The following LINGO2 variants were observed in gnomAD, a reference collection of about 807,000 sequenced individuals.
The protein encoded by LINGO2 is leucine-rich repeat and immunoglobulin-like domain-containing nogo receptor-interacting protein 2.
LINGO2 carries 14 observed loss-of-function variants against 30.6 expected under a neutral mutation model. The observed-to-expected ratio is 0.46, with a 90% CI of 0.30 to 0.72. The LOEUF (loss-of-function observed/expected upper bound fraction) is 0.72, where lower values mean the gene tolerates loss of function less well. Ranked by LOEUF, LINGO2 falls within the 30% of genes least tolerant of loss-of-function variation. LINGO2 has a pLI of 0.07. For missense variants in LINGO2, 729 were observed against 751.7 expected (o/e 0.97, Z 0.35); for synonymous variants, 317 against 288.5 (o/e 1.10, Z -1.00).
chr9:28,709,228 T>C, the LINGO2 span, among the ~76,000 whole-genome samples: 1 of 151,454 alleles, frequency 6.6e-6, no homozygotes, highest in Non-Finnish European at 1.5e-5. Context: ...AAGTGTTTTG[T>C]TTTGTTTTTT....
At chr9:28,481,976 G>A (rs1000632769) in intron 1 of LINGO2, among the ~76,000 whole-genome samples, 1 of 152,104 alleles carries the variant, frequency 6.6e-6, no homozygotes, top group African/African-American at 2.4e-5. Context: ...TGGCTGCATA[G>A]TATTCCATGG....
At chr9:28,822,740 CG>C in the LINGO2 span, among the ~76,000 whole-genome samples, 1 of 152,242 alleles carries the variant, frequency 6.6e-6, no homozygotes, top group South Asian at 2.1e-4. Context: ...AGGTTGCAGA[CG>C]GCCTTTCTTA....
intron 1 of LINGO2, among the ~76,000 whole-genome samples, chr9:28,508,328 A>T (rs1820234590): frequency 6.6e-6 from 1 of 152,098 alleles, no homozygotes; most frequent in Non-Finnish European, 1.5e-5. Context: ...GTGCTATTCT[A>T]TGGGGCTCAA....
At chr9:29,165,280 GTAAC>G in the LINGO2 span, among the ~76,000 whole-genome samples, 1 of 151,952 alleles carries the variant, frequency 6.6e-6, no homozygotes, top group Non-Finnish European at 1.5e-5. Flanking sequence ...CATTTATTGA[GTAAC>G]TATTATGTCC....
chr9:28,024,346 G>A (rs1451717370), intron 4 of LINGO2, among the ~76,000 whole-genome samples: 1 of 152,142 alleles, frequency 6.6e-6, no homozygotes, highest in Non-Finnish European at 1.5e-5. Context: ...TGGAGGGTGG[G>A]TAACAGCTGA....
At position 28,624,640 on chromosome 9, in the gene LINGO2, T is replaced by A. The variant is rs989757840; in HGVS notation, c.-365+45560A>T. ...ATTAGCCTGTAGTTTTCTTTTTTTT[T>A]AATGTGTCTTTTCCTGTTTTTGGTA... is the stretch of plus-strand genomic sequence containing the variant. On this transcript the variant is annotated intron_variant, in intron 1 of 5. Coordinates refer to ENST00000379992, the Ensembl canonical transcript of LINGO2. Among the ~76,000 whole-genome samples the A allele has an allele frequency of 5.3e-5, 8 of 151,748 alleles. 1 individual carries two copies. Among genetic ancestry groups the A allele is most frequent in the Non-Finnish European group, 8.8e-5 (6 of 67,956 alleles).
At position 28,452,885 on chromosome 9, in the gene LINGO2, A is replaced by G. The variant is rs192138921; in HGVS notation, c.-279+23055T>C. The stretch of plus-strand genomic sequence containing the variant: ...CAGTAAGAGTTAACACTGAAAGAAT[A>G]GGCACGAGATAGTCATAGTTCTTGT... On this transcript the variant is annotated intron_variant, in intron 2 of 5. Transcript: ENST00000379992. Among the ~76,000 whole-genome samples the G allele has an allele frequency of 9.9e-4, 150 of 152,016 alleles. 1 individual carries two copies. Among genetic ancestry groups the G allele is most frequent in the African/African-American group, 3.5e-3 (146 of 41,528 alleles).
intron 4 of LINGO2, among the ~76,000 whole-genome samples, chr9:28,238,516 T>C (rs10968405): frequency 2.0e-5 from 3 of 151,942 alleles, no homozygotes; most frequent in Non-Finnish European, 4.4e-5. Context: ...TATAAACACA[T>C]GGAAATTAAA....
At chr9:28,988,633 C>G in the LINGO2 span, among the ~76,000 whole-genome samples, 1 of 152,094 alleles carries the variant, frequency 6.6e-6, no homozygotes, top group Non-Finnish European at 1.5e-5. Context: ...ATACAGTTAC[C>G]CACAATATTC....
At chr9:28,045,180 CCACA>C (rs1176193946) in intron 4 of LINGO2, among the ~76,000 whole-genome samples, 2 of 151,878 alleles carry the variant, frequency 1.3e-5, no homozygotes, top group African/African-American at 2.4e-5. Context: ...CAAAAAAAAC[CCACA>C]CACACACAAA....
intron 4 of LINGO2, among the ~76,000 whole-genome samples, chr9:28,279,164 G>A (rs774599971): frequency 1.3e-5 from 2 of 152,188 alleles, no homozygotes; most frequent in Admixed American, 1.3e-4. Flanking sequence ...TGCTTCTTAT[G>A]GATAAGCAAA....
At chr9:28,809,484 G>A in the LINGO2 span, among the ~76,000 whole-genome samples, 4 of 152,240 alleles carry the variant, frequency 2.6e-5, no homozygotes, top group Middle Eastern at 3.4e-3. Flanking sequence ...GGTGGCTCAC[G>A]CCTGTAATCC....
chr9:28,693,877 T>C, the LINGO2 span, among the ~76,000 whole-genome samples: 1 of 152,064 alleles, frequency 6.6e-6, no homozygotes, highest in Non-Finnish European at 1.5e-5. Flanking sequence ...TTGTTGGTGA[T>C]AGCACTTACT....
the LINGO2 span, among the ~76,000 whole-genome samples, chr9:29,169,902 G>C: frequency 2.6e-5 from 4 of 152,134 alleles, no homozygotes; most frequent in Non-Finnish European, 5.9e-5. Context: ...GGAGGCTGAG[G>C]CAGGAGAATG....
the LINGO2 span, among the ~76,000 whole-genome samples, chr9:29,187,014 A>G: frequency 3.3e-5 from 5 of 152,122 alleles, no homozygotes; most frequent in African/African-American, 1.2e-4. Flanking sequence ...ACAGACAGAG[A>G]AATCATTGTT....
At chr9:29,123,882 G>C in the LINGO2 span, among the ~76,000 whole-genome samples, 12 of 151,996 alleles carry the variant, frequency 7.9e-5, no homozygotes, top group African/African-American at 2.2e-4. Flanking sequence ...ATGTATTGTT[G>C]TTCTTGCTTA....
chr9:28,849,049 A>G, the LINGO2 span, among the ~76,000 whole-genome samples: 1 of 152,072 alleles, frequency 6.6e-6, no homozygotes, highest in Admixed American at 6.6e-5. Flanking sequence ...TACTCAGAGC[A>G]CAAGATGGAA....
intron 5 of LINGO2, among the ~76,000 whole-genome samples, chr9:27,956,635 A>T (rs776521573): frequency 6.6e-6 from 1 of 151,630 alleles, no homozygotes; most frequent in Non-Finnish European, 1.5e-5. Context: ...TGTCTTGAAG[A>T]TTTTCTCCTA....
the LINGO2 span, among the ~76,000 whole-genome samples, chr9:28,925,541 C>T: frequency 9.2e-5 from 14 of 152,320 alleles, no homozygotes; most frequent in African/African-American, 2.6e-4. Context: ...CATGACTTCC[C>T]TGGGGAAGGA....
Sources: gnomAD v4.1 joint callset for allele counts (sites outside exome capture counted in the v4.1 genomes callset) on GRCh38, gnomAD v4.1.1 for gene constraint, MANE v1.5 for transcripts, NCBI Gene and HGNC (gene_info 2026-07-23, HGNC 2026-07-21) for gene names.